Variants in ANKS3 observed in about 807,000 individuals in gnomAD.
The protein encoded by ANKS3 is ankyrin repeat and SAM domain-containing protein 3.
A neutral mutation model predicts 80.7 loss-of-function variants in ANKS3; 62 were observed. The ratio of observed to expected loss-of-function variants is 0.77; its 90% confidence interval spans 0.63 to 0.95. ANKS3 has a LOEUF of 0.95. ANKS3 is among the 40% of genes least tolerant of loss of function. The pLI, the probability that ANKS3 is intolerant of heterozygous loss-of-function variation, is 0.00. For missense variants in ANKS3, 1,150 were observed against 883.6 expected (o/e 1.30, Z -3.82); for synonymous variants, 489 against 355.3 (o/e 1.38, Z -4.23).
In ANKS3 at chr16:4,730,015, A is replaced by T. The variant is rs747005069; in HGVS notation, c.135T>A (p.Ile45=). ...ACTCCTTCACCACTTCATACTGGCC[A>T]ATGGAAGCAGCTGTGTGAAGATCCA... ...VPLDLHTAAS[I]GQYEVVKECV... is the part of the protein sequence containing the mutation. Residue 45 remains isoleucine, a synonymous_variant, in exon 3 of 18, where the codon ATT becomes ATA. Transcript: ENST00000304283. 6.4e-7 allele frequency: 1 copy of T among 1,567,814 alleles called. No homozygotes were observed. Among genetic ancestry groups the T allele is most frequent in the Admixed American group, 1.8e-5 (1 of 55,910 alleles).
intron 7 of ANKS3, among the ~76,000 whole-genome samples, chr16:4,713,128 G>A (rs562672685): frequency 9.9e-5 from 15 of 152,114 alleles, no homozygotes; most frequent in South Asian, 6.2e-4. Context: ...AAAATTAGCC[G>A]GGCATGGTGG....
At position 4,724,851 on chromosome 16, in the gene ANKS3, G is replaced by A; in HGVS notation, c.492-20C>T. ...GGCTCCCTGCAAGATGTGGGCCACAGTCAGATGATTGGAAGAGACAAGTTC... is the reference window on the plus strand; with the variant it reads ...GGCTCCCTGCAAGATGTGGGCCACAATCAGATGATTGGAAGAGACAAGTTC... On this transcript the variant is annotated intron_variant, in intron 5 of 17. Coordinates refer to ENST00000304283, the MANE Select transcript of ANKS3 (RefSeq NM_133450.4). The A allele has an allele frequency of 1.2e-6, 2 of 1,612,612 alleles. No homozygotes were observed. The highest frequency in any genetic ancestry group is 1.7e-6 in the Non-Finnish European group (2 of 1,179,008).
At chr16:4,697,729 AGGCACAG>A (rs1002681978) in intron 15 of ANKS3, among the ~76,000 whole-genome samples, 3 of 152,224 alleles carry the variant, frequency 2.0e-5, no homozygotes, top group African/African-American at 7.2e-5. Flanking sequence ...CAGCCAGCCA[AGGCACAG>A]GGCCTTTCTC....
Position 4,730,057 on chromosome 16 carries a change from C to T in ANKS3, c.93G>A (p.Glu31=). 6.3e-7 allele frequency: 1 copy of T among 1,591,062 alleles called. No individual in the cohort carries two copies. Among genetic ancestry groups the T allele is most frequent in the Non-Finnish European group, 8.6e-7 (1 of 1,166,612 alleles). The change falls in exon 3 of 18, where the codon GAG becomes GAA. Residue 31 remains glutamate (E), a synonymous_variant. Coordinates refer to ENST00000304283, the MANE Select transcript of ANKS3 (RefSeq NM_133450.4). ...GAAGATCCAGGGGGACATCCAGCTC[C>T]TCCCCGCTGACCTGTGTCCCGAGCC... The part of the protein sequence containing the change: ...WHGLGTQVSG[E]ELDVPLDLHT...
intron 6 of ANKS3, among the ~76,000 whole-genome samples, chr16:4,719,894 T>G (rs1036898383): frequency 6.6e-6 from 1 of 152,074 alleles, no homozygotes; most frequent in African/African-American, 2.4e-5. Flanking sequence ...CCAGGCACAG[T>G]GGCTCACGCC....
chr16:4,724,589 C>T (rs1390415327), intron 6 of ANKS3, among the ~76,000 whole-genome samples, 161 bp downstream of exon 6: 2 of 152,184 alleles, frequency 1.3e-5, no homozygotes, highest in African/African-American at 4.8e-5. Flanking sequence ...AATGCCTAAG[C>T]ACCACTCAAC....
At chr16:4,723,567 C>T (rs1260258748) in intron 6 of ANKS3, among the ~76,000 whole-genome samples, 4 of 152,216 alleles carry the variant, frequency 2.6e-5, no homozygotes, top group African/African-American at 7.2e-5. Flanking sequence ...GGATTACCGG[C>T]GTGCGCCACC....
chr16:4,701,151 G>C lies in ANKS3; in HGVS notation c.1120-17C>G. Reference sequence around the variant, plus strand: ...ATCCGAGTCCTGCAGTGAGAGGCGTGCATCTGAAAGAGTGCGCGGGCTAAC... The same window carrying C: ...ATCCGAGTCCTGCAGTGAGAGGCGTCCATCTGAAAGAGTGCGCGGGCTAAC... On this transcript the variant is annotated splice_polypyrimidine_tract_variant and intron_variant, in intron 10 of 17. Coordinates refer to ENST00000304283, the MANE Select transcript of ANKS3 (RefSeq NM_133450.4). 6.2e-7 allele frequency: 1 copy of C among 1,613,584 alleles called. No individual in the cohort carries two copies. The highest frequency in any genetic ancestry group is 1.3e-5 in the African/African-American group (1 of 75,048).
In ANKS3 at chr16:4,701,139, A is replaced by G. The variant is rs1429557203; in HGVS notation, c.1120-5T>C. ...TTTACAGGCATGATCCGAGTCCTGCAGTGAGAGGCGTGCATCTGAAAGAGT... is the reference window on the plus strand; with the variant it reads ...TTTACAGGCATGATCCGAGTCCTGCGGTGAGAGGCGTGCATCTGAAAGAGT... On this transcript the variant is annotated splice_polypyrimidine_tract_variant and splice_region_variant and intron_variant, in intron 10 of 17. Transcript: ENST00000304283. 1 of 1,613,776 alleles carries G rather than the reference A, an allele frequency of 6.2e-7. No homozygotes were observed. The highest frequency in any genetic ancestry group is 8.5e-7 in the Non-Finnish European group (1 of 1,180,016).
intron 6 of ANKS3, among the ~76,000 whole-genome samples, chr16:4,716,480 G>A (rs988883972): frequency 6.6e-6 from 1 of 152,092 alleles, no homozygotes; most frequent in African/African-American, 2.4e-5. Context: ...GTAGTTGGTG[G>A]GGGAGGCAGA....
intron 6 of ANKS3, among the ~76,000 whole-genome samples, chr16:4,715,036 T>G (rs1323187704): frequency 2.0e-5 from 3 of 147,268 alleles, no homozygotes. Context: ...CACAGCATAT[T>G]CACAATAATG....
At chr16:4,700,445 G>C (rs920564609) in intron 11 of ANKS3, 6 of 225,198 alleles carry the variant, frequency 2.7e-5, no homozygotes, top group Non-Finnish European at 5.4e-5. Context: ...ACCAACCAGA[G>C]CTTCCCTCTG....
Position 4,702,166 on chromosome 16 carries a change from G to C in ANKS3, c.945C>G (p.Cys315Trp). 1.9e-6 allele frequency: 3 copies of C among 1,591,794 alleles called. No individual in the cohort carries two copies. The highest frequency in any genetic ancestry group is 2.6e-6 in the Non-Finnish European group (3 of 1,170,846). The change falls in exon 9 of 18, where the codon TGC becomes TGG. Residue 315 changes from cysteine (C) to tryptophan (W), a missense_variant. Transcript: ENST00000304283. Reference protein sequence around the residue: ...ENPLEEEGLCCRDVTSPINER... With the variant: ...ENPLEEEGLCWRDVTSPINER... ...CATTGATGGGGGAGGTGACATCCCG[G>C]CAGCAGAGGCCCTCTTCTTCCAGGG...
intron 6 of ANKS3, among the ~76,000 whole-genome samples, chr16:4,720,093 C>G (rs1241317032): frequency 3.8e-5 from 5 of 132,894 alleles, no homozygotes; most frequent in Admixed American, 8.6e-5. Context: ...GCCTGGGAGT[C>G]AGAAGTTGCA....
chr16:4,720,054 C>T lies in ANKS3; in HGVS notation c.573+4696G>A, dbSNP rs148938174. 7.7e-3 allele frequency among the ~76,000 whole-genome samples: 1,124 copies of T among 145,808 alleles called. 12 individuals are homozygous for T. The highest frequency in any genetic ancestry group is 0.027 in the African/African-American group (1,062 of 39,664). On this transcript the variant is annotated intron_variant, in intron 6 of 17. Coordinates refer to ENST00000304283, the MANE Select transcript of ANKS3 (RefSeq NM_133450.4). Reference sequence around the variant, plus strand: ...GCACACACCTGGAATCCCAGCTACTCGGGAGGCTGAGCCAGGCGAATTGCT... The same window carrying T: ...GCACACACCTGGAATCCCAGCTACTTGGGAGGCTGAGCCAGGCGAATTGCT...
At chr16:4,727,207 G>A in intron 3 of ANKS3, 30 bp from the exon 4 acceptor site, 1 of 1,608,566 alleles carries the variant, frequency 6.2e-7, no homozygotes, top group Non-Finnish European at 8.5e-7. Flanking sequence ...GCTAGACATG[G>A]CCAGCCGCCT....
Position 4,714,074 on chromosome 16 carries a change from G to T in ANKS3, c.686C>A (p.Pro229His). Residue 229 changes from proline (P) to histidine (H), a missense_variant, in exon 7 of 18, where the codon CCC becomes CAC. By Grantham distance (77) the Pro-to-His change is moderately conservative (BLOSUM62 -2). Coordinates refer to ENST00000304283, the MANE Select transcript of ANKS3 (RefSeq NM_133450.4). ...ACCTGGGCTCCGATAGAGGCTCTTG[G>T]GCAGAGAGGGCGAGTAAGTGTCCAT... ...ALMDTYSPSL[P>H]KSLYRSPEKY... The T allele has an allele frequency of 6.2e-7, 1 of 1,614,178 alleles. No homozygotes were observed.
chr16:4,714,341 T>C (rs1280169459), intron 6 of ANKS3, 155 bp from the exon 7 acceptor site: 3 of 1,133,818 alleles, frequency 2.6e-6, no homozygotes, highest in East Asian at 4.9e-5. Flanking sequence ...GGCAGGCTTG[T>C]CTGCACCGCA....
rs1211580271 is a variant in ANKS3 at position 4,722,356 on chromosome 16, A to G, written c.573+2394T>C. ...AGCACTTTGGGAGGCCAGGGCGGGC[A>G]GATCATGAGGTCAGGAGATCGAGAC... On this transcript the variant is annotated intron_variant, in intron 6 of 17. Coordinates refer to ENST00000304283, the MANE Select transcript of ANKS3 (RefSeq NM_133450.4). Among the ~76,000 whole-genome samples the G allele has an allele frequency of 9.4e-3, 1,394 of 147,844 alleles. 14 individuals are homozygous for G. The highest frequency in any genetic ancestry group is 0.013 in the Non-Finnish European group (857 of 65,558).
Sources: gnomAD v4.1 joint callset for allele counts (sites outside exome capture counted in the v4.1 genomes callset) on GRCh38, gnomAD v4.1.1 for gene constraint, MANE v1.5 for transcripts, NCBI Gene and HGNC (gene_info 2026-07-23, HGNC 2026-07-21) for gene names.